The following PAK1 variants were observed in gnomAD, a reference collection of about 807,000 sequenced individuals.
PAK1 encodes the protein p21 (RAC1) activated kinase 1.
Under a neutral mutation model 67.4 loss-of-function variants are expected in PAK1, and 29 were observed. The ratio of observed to expected loss-of-function variants is 0.43; its 90% confidence interval spans 0.32 to 0.59. The LOEUF is 0.59. PAK1 is among the 20% of genes least tolerant of loss of function. The pLI, the probability that PAK1 is intolerant of heterozygous loss-of-function variation, is 0.07. For missense variants in PAK1, 337 were observed against 670.7 expected (o/e 0.50, Z 5.50); for synonymous variants, 223 against 237.4 (o/e 0.94, Z 0.56).
intron 1 of PAK1, among the ~76,000 whole-genome samples, chr11:77,462,344 AT>A (rs1429934908): frequency 1.4e-5 from 2 of 145,644 alleles, no homozygotes; most frequent in African/African-American, 5.3e-5. Context: ...AAAAAAAAAA[AT>A]GTTCCGCATC....
At chr11:77,473,321 G>C (rs1005121064) in intron 1 of PAK1, 1 of 152,184 alleles carries the variant, frequency 6.6e-6, no homozygotes, top group Non-Finnish European at 1.5e-5. Context: ...CGGCGTCTGA[G>C]ACCCGCGACC....
chr11:77,521,529 C>CAA, the PAK1 span, among the ~76,000 whole-genome samples: 1 of 138,190 alleles, frequency 7.2e-6, no homozygotes. Context: ...AACTCCACCT[C>CAA]AAAAAAAAAA....
the PAK1 span, among the ~76,000 whole-genome samples, chr11:77,529,270 T>C: frequency 6.6e-6 from 1 of 152,210 alleles, no homozygotes; most frequent in Non-Finnish European, 1.5e-5. Flanking sequence ...TTTAGAATCA[T>C]TTTGCTACTT....
chr11:77,492,751 G>A, the PAK1 span, among the ~76,000 whole-genome samples: 1 of 151,974 alleles, frequency 6.6e-6, no homozygotes, highest in African/African-American at 2.4e-5. Context: ...TGGATCTTGG[G>A]GGCAGAGTTC....
intron 3 of PAK1, 100 bp downstream of exon 3, chr11:77,379,794 G>A (rs1273271417): frequency 2.4e-6 from 2 of 827,468 alleles, no homozygotes; most frequent in Non-Finnish European, 3.9e-6. Context: ...AGGGTCTCAG[G>A]CAAAGATAGA....
intron 2 of PAK1, among the ~76,000 whole-genome samples, chr11:77,391,526 T>C (rs1951138252): frequency 6.6e-6 from 1 of 152,186 alleles, no homozygotes; most frequent in Non-Finnish European, 1.5e-5. Flanking sequence ...CCAGTATCTT[T>C]AGCATGCCAT....
At chr11:77,514,122 T>C in the PAK1 span, among the ~76,000 whole-genome samples, 2 of 152,206 alleles carry the variant, frequency 1.3e-5, no homozygotes, top group African/African-American at 2.4e-5. Context: ...GTGGCTTCCA[T>C]GAATGGGAAC....
At chr11:77,487,421 G>C in the PAK1 span, among the ~76,000 whole-genome samples, 1 of 151,666 alleles carries the variant, frequency 6.6e-6, no homozygotes, top group African/African-American at 2.4e-5. Context: ...CCTTCTGCTT[G>C]AGAAAAAAGT....
chr11:77,473,206 G>A (rs981196784), intron 1 of PAK1, among the ~76,000 whole-genome samples: 17 of 152,226 alleles, frequency 1.1e-4, no homozygotes, highest in African/African-American at 3.9e-4. Context: ...GGACTGCGAA[G>A]TTCGGGACGG....
At chr11:77,405,843 T>C (rs1237933669) in intron 1 of PAK1, among the ~76,000 whole-genome samples, 2 of 152,112 alleles carry the variant, frequency 1.3e-5, no homozygotes, top group East Asian at 1.9e-4. Flanking sequence ...CAACTAACAA[T>C]CTACCATTTC....
At chr11:77,527,346 G>C in the PAK1 span, among the ~76,000 whole-genome samples, 9 of 152,062 alleles carry the variant, frequency 5.9e-5, no homozygotes, top group African/African-American at 2.2e-4. Flanking sequence ...CAAGTAATCT[G>C]CCCACCTCAG....
chr11:77,322,617 G>T lies in PAK1; in HGVS notation c.*657C>A. 1 of 216,008 alleles carries T rather than the reference G, an allele frequency of 4.6e-6. No individual in the cohort carries two copies. The highest frequency in any genetic ancestry group is 9.5e-6 in the Non-Finnish European group (1 of 105,290). 13.4% of individuals were successfully genotyped at this position (216,008 alleles called of 1,614,324 possible). A position where few individuals can be genotyped will look rare whatever the true frequency, so the allele number is the denominator to read the frequency against. ...GCAGGGAATCAAAAGCTGCTACATA[G>T]CCGAGAGCATTTCACAAGAAACAGC... is the stretch of plus-strand genomic sequence containing the variant. On this transcript the variant is annotated 3_prime_UTR_variant, in exon 15 of 15. Coordinates refer to ENST00000356341, the MANE Select transcript of PAK1 (RefSeq NM_002576.5).
chr11:77,466,958 T>C (rs1957626439), intron 1 of PAK1, among the ~76,000 whole-genome samples: 1 of 152,162 alleles, frequency 6.6e-6, no homozygotes, highest in Non-Finnish European at 1.5e-5. Flanking sequence ...AGTCAGATAA[T>C]ATCAGTAAAA....
intron 1 of PAK1, among the ~76,000 whole-genome samples, chr11:77,446,373 A>G (rs184639651): frequency 1.7e-3 from 256 of 152,192 alleles, no homozygotes; most frequent in African/African-American, 5.7e-3. Flanking sequence ...TTAGCCAGGC[A>G]TGCTGGTGCA....
chr11:77,387,593 A>C (rs1469781176), intron 2 of PAK1, among the ~76,000 whole-genome samples: 5 of 152,238 alleles, frequency 3.3e-5, no homozygotes, highest in African/African-American at 1.2e-4. Context: ...CAAATAAAAC[A>C]ATAAATGAGG....
intron 1 of PAK1, among the ~76,000 whole-genome samples, chr11:77,447,791 G>T (rs1956684516): frequency 6.6e-6 from 1 of 152,176 alleles, no homozygotes; most frequent in African/African-American, 2.4e-5. Context: ...CTCCCAAAGT[G>T]CTGGGATTAC....
chr11:77,332,110 C>A (rs1210324784), intron 14 of PAK1, among the ~76,000 whole-genome samples: 2 of 151,294 alleles, frequency 1.3e-5, no homozygotes, highest in Non-Finnish European at 1.5e-5. Context: ...TGAGACCATG[C>A]ACGGCCAACA....
At chr11:77,418,028 G>A (rs1047177950) in intron 1 of PAK1, among the ~76,000 whole-genome samples, 55 of 151,948 alleles carry the variant, frequency 3.6e-4, no homozygotes, top group African/African-American at 1.3e-3. Flanking sequence ...GAGCCACTGC[G>A]CCCAGCCGGA....
chr11:77,481,031 A>G, the PAK1 span, among the ~76,000 whole-genome samples: 1 of 152,044 alleles, frequency 6.6e-6, no homozygotes, highest in African/African-American at 2.4e-5. Context: ...ATCTTTTTAA[A>G]CTTTCTTGAG....
Sources: gnomAD v4.1 joint callset for allele counts (sites outside exome capture counted in the v4.1 genomes callset) on GRCh38, gnomAD v4.1.1 for gene constraint, MANE v1.5 for transcripts, NCBI Gene and HGNC (gene_info 2026-07-23, HGNC 2026-07-21) for gene names.